TTC6: variants seen among roughly 807,000 people sequenced by gnomAD.
TTC6 encodes the protein tetratricopeptide repeat protein 6.
In TTC6, 172 loss-of-function variants were observed where a neutral mutation model predicts 210.4. The observed-to-expected ratio is 0.82, with a 90% CI of 0.72 to 0.93. The LOEUF is 0.93. Among genes scored for constraint, TTC6 ranks in the 40% least tolerant of loss-of-function variants. The pLI, the probability that TTC6 is intolerant of heterozygous loss-of-function variation, is 0.00. For synonymous variants in TTC6, 804 were observed against 819.6 expected, an observed-to-expected ratio of 0.98 and a Z score of 0.32; for missense variants, 2,414 against 2,318.1, an observed-to-expected ratio of 1.04 and a Z score of -0.85.
intron 16 of TTC6, among the ~76,000 whole-genome samples, chr14:37,791,815 TAC>T (rs2096080212): frequency 6.6e-6 from 1 of 152,140 alleles, no homozygotes; most frequent in East Asian, 1.9e-4. Context: ...ATTTATTTGA[TAC>T]AGAAAAGCTG....
chr14:37,696,348 G>GT (rs913649379), intron 3 of TTC6, among the ~76,000 whole-genome samples: 2 of 151,702 alleles, frequency 1.3e-5, no homozygotes, highest in Non-Finnish European at 2.9e-5. Context: ...AAGCACTAAA[G>GT]TTTTTTTTAG....
At chr14:37,602,624 G>A (rs2095617875) in intron 1 of TTC6, among the ~76,000 whole-genome samples, 1 of 152,110 alleles carries the variant, frequency 6.6e-6, no homozygotes, top group South Asian at 2.1e-4. Flanking sequence ...CCACCGGGTG[G>A]ATGAACCCAC....
chr14:37,816,853 C>T (rs2096143210), intron 25 of TTC6, among the ~76,000 whole-genome samples: 1 of 152,164 alleles, frequency 6.6e-6, no homozygotes, highest in African/African-American at 2.4e-5. Context: ...GAGCTTCAGA[C>T]ACTGTCCCTG....
At chr14:37,662,034 G>A (rs117706538) in intron 1 of TTC6, among the ~76,000 whole-genome samples, 244 of 151,936 alleles carry the variant, frequency 1.6e-3, no homozygotes, top group Non-Finnish European at 2.9e-3. Flanking sequence ...GTTGCTTATC[G>A]GCTTAAGAAG....
intron 1 of TTC6, among the ~76,000 whole-genome samples, chr14:37,657,706 G>A (rs996147001): frequency 6.6e-6 from 1 of 152,162 alleles, no homozygotes; most frequent in Non-Finnish European, 1.5e-5. Context: ...GAGCAGAGTG[G>A]TTGCTTAATT....
chr14:37,777,381 G>T (rs2096040992), intron 14 of TTC6, among the ~76,000 whole-genome samples: 1 of 152,014 alleles, frequency 6.6e-6, no homozygotes, highest in South Asian at 2.1e-4. Context: ...ACTCAGCTTG[G>T]TCTGTTCTGC....
chr14:37,778,653 A>G (rs1308132904), intron 14 of TTC6, among the ~76,000 whole-genome samples: 2 of 152,016 alleles, frequency 1.3e-5, no homozygotes, highest in East Asian at 1.9e-4. Context: ...TTGCAGGTGG[A>G]CCGGTGCCTG....
intron 15 of TTC6, among the ~76,000 whole-genome samples, chr14:37,790,425 C>A (rs1332443401): frequency 6.6e-6 from 1 of 152,152 alleles, no homozygotes; most frequent in Non-Finnish European, 1.5e-5. Flanking sequence ...CCCCTTTGGA[C>A]TTTAATCTCC....
intron 24 of TTC6, among the ~76,000 whole-genome samples, chr14:37,810,776 A>C (rs1176113083): frequency 6.6e-6 from 1 of 152,206 alleles, no homozygotes; most frequent in Non-Finnish European, 1.5e-5. Flanking sequence ...CATTCTCCCA[A>C]GATATAGTTT....
intron 21 of TTC6, among the ~76,000 whole-genome samples, chr14:37,805,600 CAT>C (rs2096116702): frequency 6.6e-6 from 1 of 152,134 alleles, no homozygotes. Flanking sequence ...AAATATTTTA[CAT>C]GTTTTTAGTC....
chr14:37,654,253 C>T (rs143295528), intron 1 of TTC6, among the ~76,000 whole-genome samples: 1 of 152,134 alleles, frequency 6.6e-6, no homozygotes, highest in Non-Finnish European at 1.5e-5. Flanking sequence ...GAGATCTGGT[C>T]ATTTAAAAGT....
chr14:37,833,556 G>C (rs2096190992), intron 29 of TTC6, among the ~76,000 whole-genome samples: 1 of 152,094 alleles, frequency 6.6e-6, no homozygotes, highest in Non-Finnish European at 1.5e-5. Context: ...TATCCATTCA[G>C]TCAGTCTATA....
chr14:37,785,627 G>A (rs1395175981), intron 14 of TTC6, among the ~76,000 whole-genome samples: 3 of 152,118 alleles, frequency 2.0e-5, no homozygotes, highest in African/African-American at 4.8e-5. Flanking sequence ...CTCTCAACTC[G>A]TCGAAGTCAT....
At chr14:37,651,439 TTTTTTTTTTTTTTTC>T (rs1332220314) in intron 1 of TTC6, among the ~76,000 whole-genome samples, 365 of 94,240 alleles carry the variant, frequency 3.9e-3, no homozygotes, top group East Asian at 5.8e-3. Flanking sequence ...TTTTTTTTTT[TTTTTTTTTTTTTTTC>T]CATCCATGAT....
At chr14:37,638,640 T>C (rs533131150) in intron 1 of TTC6, among the ~76,000 whole-genome samples, 2 of 55,708 alleles carry the variant, frequency 3.6e-5, no homozygotes, top group African/African-American at 1.4e-4. Flanking sequence ...GCGGGGGGGC[T>C]GGGAGGGAAG....
intron 4 of TTC6, among the ~76,000 whole-genome samples, chr14:37,697,282 T>C (rs2095816729): frequency 6.6e-6 from 1 of 152,098 alleles, no homozygotes; most frequent in South Asian, 2.1e-4. Flanking sequence ...CTACCATTAA[T>C]ATCATGCTTC....
At chr14:37,839,092 T>C (rs888344261) in intron 29 of TTC6, among the ~76,000 whole-genome samples, 2 of 152,218 alleles carry the variant, frequency 1.3e-5, no homozygotes, top group African/African-American at 4.8e-5. Flanking sequence ...TTGTGAACAG[T>C]GCTGCAATAA....
chr14:37,830,957 C>T (rs772063605), intron 29 of TTC6, among the ~76,000 whole-genome samples: 4 of 152,016 alleles, frequency 2.6e-5, no homozygotes, highest in Admixed American at 6.6e-5. Flanking sequence ...ATCGTCTAGC[C>T]ATTTTGAAAT....
chr14:37,817,510 GA>G (rs1483104738), intron 25 of TTC6, 67 bp from the exon 28 acceptor site: 3 of 1,379,828 alleles, frequency 2.2e-6, no homozygotes, highest in Non-Finnish European at 3.1e-6. Context: ...ATCACAGTTA[GA>G]AGGAAGTTTA....
Sources: gnomAD v4.1 joint callset for allele counts (sites outside exome capture counted in the v4.1 genomes callset) on GRCh38, gnomAD v4.1.1 for gene constraint, MANE v1.5 for transcripts, NCBI Gene and HGNC (gene_info 2026-07-23, HGNC 2026-07-21) for gene names.